Variants in ANKS1B observed in about 807,000 individuals in gnomAD.
ANKS1B encodes ankyrin repeat and sterile alpha motif domain containing 1B, also known as ankyrin repeat and sterile alpha motif domain-containing protein 1B.
ANKS1B carries 36 observed loss-of-function variants against 148.3 expected under a neutral mutation model. The observed-to-expected ratio is 0.24, with a 90% CI of 0.19 to 0.32. The LOEUF (loss-of-function observed/expected upper bound fraction) is 0.32. Ranked by LOEUF, ANKS1B falls within the 10% of genes least tolerant of loss-of-function variation. The pLI, the probability that ANKS1B is intolerant of heterozygous loss-of-function variation, is 1.00. For synonymous variants in ANKS1B, 542 were observed against 560.8 expected (o/e 0.97, Z 0.47); for missense variants, 1,157 against 1,542.6 (o/e 0.75, Z 4.19).
At chr12:98,757,928 A>ACGTGTGTGTGTGTG in intron 25 of ANKS1B, among the ~76,000 whole-genome samples, 1 of 107,142 alleles carries the variant, frequency 9.3e-6, no homozygotes, top group Non-Finnish European at 2.1e-5. Context: ...ATGTGTGTGC[A>ACGTGTGTGTGTGTG]TGTGTGCACG....
intron 15 of ANKS1B, among the ~76,000 whole-genome samples, chr12:99,122,997 A>ATATATATATATATAT (rs57924520): frequency 2.1e-5 from 3 of 141,688 alleles, no homozygotes; most frequent in Admixed American, 7.1e-5. Context: ...TTAAAAAAAA[A>ATATATATATATATAT]ATATATATAT....
intron 12 of ANKS1B, among the ~76,000 whole-genome samples, chr12:99,341,695 A>G (rs1249052396): frequency 1.3e-5 from 2 of 152,148 alleles, no homozygotes; most frequent in African/African-American, 4.8e-5. Flanking sequence ...ATGGGTAATC[A>G]GTAAGCCAGT....
intron 6 of ANKS1B, 65 bp downstream of exon 6, chr12:99,779,806 A>G: frequency 7.9e-7 from 1 of 1,263,332 alleles, no homozygotes; most frequent in Non-Finnish European, 1.1e-6. Flanking sequence ...CCAAAAGAAA[A>G]CTGTAACAGT....
At chr12:98,858,415 C>T (rs2099582603) in intron 17 of ANKS1B, among the ~76,000 whole-genome samples, 1 of 152,240 alleles carries the variant, frequency 6.6e-6, no homozygotes, top group Non-Finnish European at 1.5e-5. Flanking sequence ...GAGATCATGG[C>T]TCACTGTTGC....
At chr12:99,336,274 C>A (rs1227805449) in intron 12 of ANKS1B, among the ~76,000 whole-genome samples, 1 of 151,526 alleles carries the variant, frequency 6.6e-6, no homozygotes, top group Non-Finnish European at 1.5e-5. Context: ...GGTTATTAAT[C>A]CCTTGTCAGA....
chr12:99,540,381 A>T (rs568515647), intron 9 of ANKS1B, among the ~76,000 whole-genome samples: 2 of 152,316 alleles, frequency 1.3e-5, no homozygotes, highest in Non-Finnish European at 2.9e-5. Flanking sequence ...AGTACACGTG[A>T]AACATCCTGC....
intron 11 of ANKS1B, among the ~76,000 whole-genome samples, chr12:99,427,622 G>A (rs2095285197): frequency 1.3e-5 from 2 of 152,132 alleles, no homozygotes; most frequent in South Asian, 4.1e-4. Context: ...CTTGATCATT[G>A]AATATTTACC....
At chr12:98,922,593 G>A (rs944643132) in intron 17 of ANKS1B, among the ~76,000 whole-genome samples, 2 of 152,084 alleles carry the variant, frequency 1.3e-5, no homozygotes, top group African/African-American at 4.8e-5. Flanking sequence ...CTGCCTCCTG[G>A]GTTCAAGCGA....
intron 9 of ANKS1B, among the ~76,000 whole-genome samples, chr12:99,576,047 G>A (rs1014661274): frequency 6.6e-6 from 1 of 151,974 alleles, no homozygotes; most frequent in Non-Finnish European, 1.5e-5. Flanking sequence ...ATAAAGGGAC[G>A]GAGAAATATC....
At chr12:99,105,531 G>A (rs1000181564) in intron 15 of ANKS1B, among the ~76,000 whole-genome samples, 3 of 150,980 alleles carry the variant, frequency 2.0e-5, no homozygotes, top group Admixed American at 6.6e-5. Context: ...TTTTTTGGGA[G>A]GCCGAGGCGG....
chr12:99,214,902 C>A (rs182651929), intron 14 of ANKS1B, among the ~76,000 whole-genome samples: 30 of 152,272 alleles, frequency 2.0e-4, no homozygotes, highest in Admixed American at 2.0e-3. Flanking sequence ...GGAACTGGAG[C>A]AAAGGTGAGC....
chr12:99,107,574 A>T (rs2059478202), intron 15 of ANKS1B, among the ~76,000 whole-genome samples: 1 of 152,252 alleles, frequency 6.6e-6, no homozygotes, highest in South Asian at 2.1e-4. Flanking sequence ...TGCCTTATGC[A>T]GTCTTAATAA....
Position 99,399,688 on chromosome 12 carries a change from G to C in ANKS1B, c.1699C>G (p.Pro567Ala). The C allele has an allele frequency of 6.2e-7, 1 of 1,613,516 alleles. No individual in the cohort carries two copies. Among genetic ancestry groups the C allele is most frequent in the East Asian group, 2.2e-5 (1 of 44,876 alleles). Reference protein sequence around the residue: ...TSFTASPPASPPTSSVGTTEV... With the variant: ...TSFTASPPASAPTSSVGTTEV... Reference sequence around the variant, plus strand: ...GTGGTTCCCACAGAAGAGGTGGGTGGACTAGCAGGAGGACTGGCAGTAAAG... The same window carrying C: ...GTGGTTCCCACAGAAGAGGTGGGTGCACTAGCAGGAGGACTGGCAGTAAAG... Residue 567 changes from proline (P) to alanine (A), a missense_variant, in exon 12 of 27, where the codon CCA (proline) becomes GCA (alanine). Pro to Ala is a conservative substitution (Grantham distance 27). Coordinates refer to ENST00000683438, the MANE Select transcript of ANKS1B (RefSeq NM_001352186.2).
intron 6 of ANKS1B, among the ~76,000 whole-genome samples, chr12:99,778,130 G>A (rs1056862056): frequency 1.1e-4 from 16 of 151,826 alleles, no homozygotes; most frequent in African/African-American, 3.9e-4. Context: ...AACCGGGGAG[G>A]CAGAGCTTGC....
chr12:99,798,423 TAA>T (rs61020616), intron 4 of ANKS1B, among the ~76,000 whole-genome samples: 15 of 78,638 alleles, frequency 1.9e-4, no homozygotes, highest in African/African-American at 1.7e-4. Flanking sequence ...CTCTTGGAAT[TAA>T]AAAAAAAAAA....
chr12:99,205,574 C>T (rs568501644), intron 14 of ANKS1B, among the ~76,000 whole-genome samples: 3 of 152,332 alleles, frequency 2.0e-5, no homozygotes, highest in East Asian at 1.9e-4. Context: ...CCCTGTCTTC[C>T]TCACGGAGCC....
chr12:98,791,150 G>T (rs978165432), intron 22 of ANKS1B, among the ~76,000 whole-genome samples: 8 of 152,078 alleles, frequency 5.3e-5, no homozygotes, highest in Non-Finnish European at 1.0e-4. Flanking sequence ...TTCGAGACCA[G>T]CCTGGTCAAT....
chr12:99,628,356 GGTTTCT>G (rs775104462), intron 9 of ANKS1B, among the ~76,000 whole-genome samples: 13 of 151,950 alleles, frequency 8.6e-5, no homozygotes, highest in Non-Finnish European at 1.3e-4. Flanking sequence ...ATCCTAATCT[GGTTTCT>G]GTTTCTAAGA....
intron 15 of ANKS1B, among the ~76,000 whole-genome samples, chr12:99,145,695 AT>A (rs2072817280): frequency 1.3e-5 from 2 of 152,070 alleles, no homozygotes; most frequent in Admixed American, 1.3e-4. Context: ...CAGGGCTAGT[AT>A]CTTGTTTAGT....
Sources: allele counts gnomAD v4.1 joint callset (sites outside exome capture counted in the v4.1 genomes callset), GRCh38; gene constraint gnomAD v4.1.1; transcripts MANE v1.5; gene names NCBI Gene and HGNC (gene_info 2026-07-23, HGNC 2026-07-21).